CRB1: variants seen among roughly 807,000 people sequenced by gnomAD.
The protein encoded by CRB1 is protein crumbs homolog 1.
CRB1 carries 83 observed loss-of-function variants against 120.0 expected under a neutral mutation model. The observed-to-expected ratio is 0.69, with a 90% CI of 0.58 to 0.83. CRB1 has a LOEUF of 0.83. CRB1 is among the 40% of genes least tolerant of loss of function. CRB1 has a pLI of 0.00. For synonymous variants in CRB1, 625 were observed against 612.5 expected, an observed-to-expected ratio of 1.02 and a Z score of -0.30; for missense variants, 1,699 against 1,687.6, an observed-to-expected ratio of 1.01 and a Z score of -0.12.
chr1:197,208,991 C>T, the CRB1 span, among the ~76,000 whole-genome samples: 1 of 152,246 alleles, frequency 6.6e-6, no homozygotes, highest in East Asian at 1.9e-4. Context: ...GCATGTAGGT[C>T]ACCAAGAAAG....
At chr1:197,290,194 A>C (rs1298554168) in intron 1 of CRB1, among the ~76,000 whole-genome samples, 1 of 151,254 alleles carries the variant, frequency 6.6e-6, no homozygotes, top group Non-Finnish European at 1.5e-5. Flanking sequence ...CCTGTAGAAC[A>C]TTTTTTGCTG....
At chr1:197,416,205 G>A (rs868355856) in intron 5 of CRB1, among the ~76,000 whole-genome samples, 7 of 151,932 alleles carry the variant, frequency 4.6e-5, no homozygotes, top group Admixed American at 6.6e-5. Flanking sequence ...GGACTAGTTC[G>A]AACTTCATGT....
the CRB1 span, among the ~76,000 whole-genome samples, chr1:197,242,601 G>A: frequency 1.3e-5 from 2 of 152,058 alleles, no homozygotes; most frequent in African/African-American, 4.8e-5. Context: ...GAGGATTTTT[G>A]CATTGATGTT....
chr1:197,388,382 A>G (rs979397881), intron 5 of CRB1, among the ~76,000 whole-genome samples: 1 of 151,954 alleles, frequency 6.6e-6, no homozygotes. Flanking sequence ...GGAGACTAAG[A>G]AAAAAAACTC....
intron 5 of CRB1, among the ~76,000 whole-genome samples, chr1:197,359,264 A>G (rs1194278794): frequency 2.0e-5 from 3 of 152,194 alleles, no homozygotes; most frequent in Non-Finnish European, 4.4e-5. Context: ...GGCAAATACT[A>G]ATCTGTTCTG....
At chr1:197,227,913 G>A in the CRB1 span, among the ~76,000 whole-genome samples, 2 of 152,156 alleles carry the variant, frequency 1.3e-5, no homozygotes, top group African/African-American at 4.8e-5. Context: ...TGACTTCTGT[G>A]CACCCACAAG....
intron 9 of CRB1, among the ~76,000 whole-genome samples, 179 bp from the exon 10 acceptor site, chr1:197,438,365 CAGG>C (rs1455473689): frequency 1.3e-5 from 2 of 152,170 alleles, no homozygotes; most frequent in Non-Finnish European, 2.9e-5. Context: ...AACCCTCCAG[CAGG>C]AGCTTTTTAC....
intron 9 of CRB1, 94 bp from the exon 10 acceptor site, chr1:197,438,453 T>C: frequency 1.4e-6 from 2 of 1,466,964 alleles, no homozygotes; most frequent in Non-Finnish European, 1.9e-6. Context: ...CTTAATTAGC[T>C]TGGCATTGAC....
At chr1:197,372,019 C>T (rs1470897584) in intron 5 of CRB1, among the ~76,000 whole-genome samples, 2 of 152,112 alleles carry the variant, frequency 1.3e-5, no homozygotes, top group East Asian at 3.9e-4. Flanking sequence ...TTGTTCTTGG[C>T]TGAACTCGAA....
intron 5 of CRB1, among the ~76,000 whole-genome samples, chr1:197,385,518 T>A (rs1017930119): frequency 2.6e-5 from 4 of 152,124 alleles, no homozygotes; most frequent in African/African-American, 9.7e-5. Flanking sequence ...TCCTCCTGAC[T>A]CCTCAGGGTG....
At chr1:197,269,442 C>A (rs1466242066) in intron 1 of CRB1, among the ~76,000 whole-genome samples, 1 of 152,060 alleles carries the variant, frequency 6.6e-6, no homozygotes, top group Non-Finnish European at 1.5e-5. Context: ...TAGCTGATGG[C>A]ACATATAGAA....
chr1:197,318,649 A>T lies in CRB1; in HGVS notation c.71-9773A>T, dbSNP rs148787178. 3.7e-3 allele frequency among the ~76,000 whole-genome samples: 566 copies of T among 152,294 alleles called. 3 individuals are homozygous for T. Among genetic ancestry groups the T allele is most frequent in the African/African-American group, 0.013 (534 of 41,570 alleles). On this transcript the variant is annotated intron_variant, in intron 1 of 11. Transcript: ENST00000367400. ...ATTTAAAAAGTACTATCACAAGGGA[A>T]TGTTATTCAGTCATAAAACAATAAA...
intron 5 of CRB1, among the ~76,000 whole-genome samples, chr1:197,375,710 T>C (rs772647831): frequency 1.1e-4 from 16 of 152,186 alleles, no homozygotes; most frequent in Admixed American, 1.3e-4. Flanking sequence ...TTCTCTATGA[T>C]TCAGGATCTT....
At chr1:197,312,990 C>G (rs997941397) in intron 1 of CRB1, among the ~76,000 whole-genome samples, 8 of 152,154 alleles carry the variant, frequency 5.3e-5, no homozygotes, top group Non-Finnish European at 8.8e-5. Context: ...CTACCTGAGA[C>G]TGGGTAACTT....
At chr1:197,228,726 T>A in the CRB1 span, among the ~76,000 whole-genome samples, 1 of 152,218 alleles carries the variant, frequency 6.6e-6, no homozygotes, top group Non-Finnish European at 1.5e-5. Flanking sequence ...CCTGCTCTAC[T>A]GGTACCAATA....
intron 1 of CRB1, among the ~76,000 whole-genome samples, chr1:197,276,746 A>T (rs1655229600): frequency 6.6e-6 from 1 of 151,952 alleles, no homozygotes; most frequent in Non-Finnish European, 1.5e-5. Flanking sequence ...ACTGAAGTGG[A>T]TTGAGTAAAA....
the CRB1 span, among the ~76,000 whole-genome samples, chr1:197,224,068 C>T: frequency 1.3e-5 from 2 of 152,032 alleles, no homozygotes; most frequent in Admixed American, 1.3e-4. Flanking sequence ...GGAATGGACT[C>T]ATGTCTATAA....
intron 2 of CRB1, among the ~76,000 whole-genome samples, chr1:197,332,817 A>C (rs1282053893): frequency 6.6e-6 from 1 of 152,230 alleles, no homozygotes; most frequent in Non-Finnish European, 1.5e-5. Flanking sequence ...TCATTTAGAC[A>C]CACAGGGAAG....
chr1:197,400,546 C>T (rs1284177611), intron 5 of CRB1, among the ~76,000 whole-genome samples: 1 of 151,926 alleles, frequency 6.6e-6, no homozygotes, highest in African/African-American at 2.4e-5. Context: ...CTATACACTC[C>T]TAACTAAATC....
Sources: gnomAD v4.1 joint callset for allele counts (sites outside exome capture counted in the v4.1 genomes callset) on GRCh38, gnomAD v4.1.1 for gene constraint, MANE v1.5 for transcripts, NCBI Gene and HGNC (gene_info 2026-07-23, HGNC 2026-07-21) for gene names.